APPL2: variants seen among roughly 807,000 people sequenced by gnomAD.
APPL2 encodes DCC-interacting protein 13-beta.
Under a neutral mutation model 92.7 loss-of-function variants are expected in APPL2, and 84 were observed. That is an observed-to-expected ratio of 0.91 (90% confidence interval 0.76 to 1.09). The LOEUF (loss-of-function observed/expected upper bound fraction) is 1.09, where lower values mean the gene tolerates loss of function less well. Among genes scored for constraint, APPL2 ranks in the 50% least tolerant of loss-of-function variants. APPL2 has a pLI of 0.00. For missense variants in APPL2, 736 were observed against 824.5 expected (o/e 0.89, Z 1.31); for synonymous variants, 291 against 291.0 (o/e 1.00, Z 0.00).
Position 105,174,298 on chromosome 12 carries a change from C to G in APPL2, c.*16G>C, listed in dbSNP as rs376551884. The G allele has an allele frequency of 8.9e-5, 144 of 1,612,586 alleles. 1 individual carries two copies. In the South Asian group the frequency reaches 1.1e-3, roughly 12 times the overall value. The stretch of plus-strand genomic sequence containing the variant: ...CTCTCCTTCCTGTTTGCTCTTCCCC[C>G]ACAGGCGCAAGTGAGTTATGCTTCG... On this transcript the variant is annotated 3_prime_UTR_variant, in exon 21 of 21. Transcript: ENST00000258530.
chr12:105,216,151 C>T (rs1362322543), intron 4 of APPL2, among the ~76,000 whole-genome samples: 4 of 152,104 alleles, frequency 2.6e-5, no homozygotes, highest in Non-Finnish European at 2.9e-5. Flanking sequence ...TCCTATAATA[C>T]CTGGTTTCGT....
At chr12:105,201,777 G>A (rs991603677) in intron 9 of APPL2, among the ~76,000 whole-genome samples, 22 of 152,050 alleles carry the variant, frequency 1.4e-4, no homozygotes, top group African/African-American at 3.4e-4. Flanking sequence ...GATATGAGCC[G>A]CAGAAAGGTA....
rs141889606 is a variant in APPL2, at chr12:105,235,521, T to C, written c.54+438A>G. On this transcript the variant is annotated intron_variant, in intron 1 of 20. Coordinates refer to ENST00000258530, the MANE Select transcript of APPL2 (RefSeq NM_018171.5). The stretch of plus-strand genomic sequence containing the variant: ...ACTGACTCATTATCTGTACCGGACA[T>C]TGTCTGCTGACAACTTTACAGGTAT... Among the ~76,000 whole-genome samples, 810 of 152,332 alleles carry C rather than the reference T, an allele frequency of 5.3e-3. 6 individuals are homozygous for C. Among genetic ancestry groups the C allele is most frequent in the Non-Finnish European group, 8.5e-3 (575 of 68,030 alleles).
chr12:105,199,509 C>T lies in APPL2; in HGVS notation c.727G>A (p.Glu243Lys), dbSNP rs779182948. The T allele has an allele frequency of 3.7e-6, 6 of 1,613,882 alleles. No homozygotes were observed. The highest frequency in any genetic ancestry group is 5.1e-6 in the Non-Finnish European group (6 of 1,179,976). Residue 243 changes from glutamate (E) to lysine (K), a missense_variant, in exon 10 of 21, where the codon GAG becomes AAG. Glu to Lys is a moderately conservative substitution (Grantham distance 56). Coordinates refer to ENST00000258530, the MANE Select transcript of APPL2 (RefSeq NM_018171.5). ...TGGGACACCCGCATCTTTTCCGCCT[C>T]GGCTTCCAGTTCTACCTGAATGCTT... ...VQSIQVELEA[E>K]AEKMRVSQQE...
At chr12:105,189,105 G>A (rs569162369) in intron 16 of APPL2, among the ~76,000 whole-genome samples, 15 of 152,074 alleles carry the variant, frequency 9.9e-5, no homozygotes, top group African/African-American at 2.7e-4. Context: ...TGCAACCTCC[G>A]CCTCCCAGGT....
At position 105,190,160 on chromosome 12, in the gene APPL2, A is replaced by G. The variant is rs746044580; in HGVS notation, c.1242-5T>C. On this transcript the variant is annotated splice_polypyrimidine_tract_variant and splice_region_variant and intron_variant, in intron 14 of 20. Transcript: ENST00000258530. Reference sequence around the variant, plus strand: ...TCTGAATTTTTCAGGTTCTGGCTGAAGGGGAAAAAAATCAATTCCCTTAAC... The same window carrying G: ...TCTGAATTTTTCAGGTTCTGGCTGAGGGGGAAAAAAATCAATTCCCTTAAC... The G allele has an allele frequency of 1.9e-6, 3 of 1,612,468 alleles. No homozygotes were observed. The African/African-American group carries it at 4.0e-5, about 22-fold the overall frequency.
chr12:105,227,974 G>A (rs1890646103), intron 2 of APPL2, among the ~76,000 whole-genome samples: 1 of 152,194 alleles, frequency 6.6e-6, no homozygotes, highest in Non-Finnish European at 1.5e-5. Context: ...CACTAGGTTA[G>A]GTGGCTCTCC....
chr12:105,212,254 G>A (rs919939831), intron 4 of APPL2, among the ~76,000 whole-genome samples: 1 of 151,962 alleles, frequency 6.6e-6, no homozygotes, highest in African/African-American at 2.4e-5. Context: ...GATTTTAACA[G>A]CCCTTGACTC....
At chr12:105,216,492 A>G (rs1284082044) in intron 4 of APPL2, among the ~76,000 whole-genome samples, 1 of 152,144 alleles carries the variant, frequency 6.6e-6, no homozygotes, top group Non-Finnish European at 1.5e-5. Context: ...AGGATCCTGA[A>G]ATGAGATCAT....
chr12:105,175,979 T>C (rs1885503321), intron 20 of APPL2, 56 bp downstream of exon 20: 2 of 1,436,852 alleles, frequency 1.4e-6, no homozygotes, highest in Non-Finnish European at 1.9e-6. Flanking sequence ...ACTCTTGGTA[T>C]GTGTACACAG....
intron 7 of APPL2, among the ~76,000 whole-genome samples, 175 bp downstream of exon 7, chr12:105,207,796 T>A (rs146208450): frequency 2.0e-5 from 3 of 151,842 alleles, no homozygotes; most frequent in African/African-American, 7.3e-5. Context: ...TTTGAAAAGA[T>A]AGAATAGAGA....
rs181044665 is a variant in APPL2, at chr12:105,211,217, T to A, written c.373+13A>T. On this transcript the variant is annotated intron_variant, in intron 5 of 20. Transcript: ENST00000258530. ...ATTTTGAAGGTAACTGGCATTGAAC[T>A]CAGTTACTTTACCTGTGAGATCCTT... 10 of 1,570,426 alleles carry A rather than the reference T, an allele frequency of 6.4e-6. No individual in the cohort carries two copies. The African/African-American group carries it at 1.3e-4, about 21-fold the overall frequency.
At chr12:105,204,120 C>T (rs1250518951) in intron 8 of APPL2, among the ~76,000 whole-genome samples, 1 of 152,250 alleles carries the variant, frequency 6.6e-6, no homozygotes, top group African/African-American at 2.4e-5. Flanking sequence ...GTATTAGTGG[C>T]ATCTGCACCA....
chr12:105,218,329 T>G (rs1205262162), intron 2 of APPL2, among the ~76,000 whole-genome samples: 1 of 152,168 alleles, frequency 6.6e-6, no homozygotes, highest in African/African-American at 2.4e-5. Flanking sequence ...CATAAAGAAA[T>G]GTAGTGAGCA....
intron 14 of APPL2, among the ~76,000 whole-genome samples, chr12:105,192,261 C>A (rs1208568223): frequency 1.3e-5 from 2 of 152,198 alleles, no homozygotes; most frequent in Non-Finnish European, 2.9e-5. Flanking sequence ...CTGGTCTAAA[C>A]CACCATCATC....
intron 19 of APPL2, chr12:105,176,350 T>C: frequency 1.9e-6 from 1 of 540,482 alleles, no homozygotes; most frequent in Non-Finnish European, 3.2e-6. Context: ...AATAGGAATT[T>C]TTCTTCTCTC....
intron 5 of APPL2, among the ~76,000 whole-genome samples, chr12:105,209,861 G>C (rs1018833472): frequency 6.6e-6 from 1 of 152,150 alleles, no homozygotes. Flanking sequence ...TTTTAGTGCT[G>C]CCAAACTGAC....
chr12:105,200,926 T>C (rs1345800685), intron 9 of APPL2, among the ~76,000 whole-genome samples: 1 of 151,738 alleles, frequency 6.6e-6, no homozygotes, highest in Non-Finnish European at 1.5e-5. Context: ...ATCTATTCAT[T>C]TTGAGAGAGT....
Position 105,208,139 on chromosome 12 carries a change from G to C in APPL2, c.415+19C>G, listed in dbSNP as rs749802487. ...GTAAGCCCACACACCCACACACCAGGAATGGAGAAGGTGCCTACCATTGCT... is the reference window on the plus strand; with the variant it reads ...GTAAGCCCACACACCCACACACCAGCAATGGAGAAGGTGCCTACCATTGCT... On this transcript the variant is annotated intron_variant, in intron 6 of 20. Transcript: ENST00000258530. 4.3e-6 allele frequency: 7 copies of C among 1,613,976 alleles called. No homozygotes were observed. The African/African-American group carries it at 9.3e-5, about 22-fold the overall frequency.
Sources: allele counts gnomAD v4.1 joint callset (sites outside exome capture counted in the v4.1 genomes callset), GRCh38; gene constraint gnomAD v4.1.1; transcripts MANE v1.5; gene names NCBI Gene and HGNC (gene_info 2026-07-23, HGNC 2026-07-21).